SLC25A12: variants seen among roughly 807,000 people sequenced by gnomAD.
SLC25A12 encodes the protein electrogenic aspartate/glutamate antiporter SLC25A12, mitochondrial.
SLC25A12 carries 32 observed loss-of-function variants against 83.3 expected under a neutral mutation model. The ratio of observed to expected loss-of-function variants is 0.38; its 90% confidence interval spans 0.29 to 0.52. The LOEUF is 0.52. Ranked by LOEUF, SLC25A12 falls within the 20% of genes least tolerant of loss-of-function variation. The probability of loss-of-function intolerance (pLI) is 0.84; values close to 1 mark genes in which losing one functional copy is unlikely to be tolerated. For missense variants in SLC25A12, 611 were observed against 835.6 expected, an observed-to-expected ratio of 0.73 and a Z score of 3.31; for synonymous variants, 267 against 291.1, an observed-to-expected ratio of 0.92 and a Z score of 0.84.
intron 2 of SLC25A12, among the ~76,000 whole-genome samples, chr2:171,876,000 G>A (rs139290482): frequency 1.3e-3 from 192 of 150,962 alleles, no homozygotes; most frequent in Non-Finnish European, 2.5e-3. Flanking sequence ...ATATGGAATC[G>A]CCAAGATGTC....
At position 171,814,555 on chromosome 2, in the gene SLC25A12, G is replaced by A. The variant is rs1425989672; in HGVS notation, c.1012+566C>T. On this transcript the variant is annotated intron_variant, in intron 10 of 17. Transcript: ENST00000422440. ...GAAGGTTTGTCACATAGGTAAACAC[G>A]TGTCACGGGCGTTTGTTGTACATAT... 3.3e-5 allele frequency among the ~76,000 whole-genome samples: 5 copies of A among 151,640 alleles called. No homozygotes were observed. The South Asian group carries it at 6.2e-4, about 19-fold the overall frequency.
intron 2 of SLC25A12, 66 bp downstream of exon 2, chr2:171,893,139 A>G: frequency 1.6e-6 from 2 of 1,277,740 alleles, no homozygotes; most frequent in Non-Finnish European, 2.3e-6. Context: ...TAAGGCATGA[A>G]TAGGACTAAG....
intron 3 of SLC25A12, among the ~76,000 whole-genome samples, chr2:171,860,515 T>C (rs1044516937): frequency 3.9e-5 from 6 of 152,094 alleles, no homozygotes; most frequent in Admixed American, 6.6e-5. Flanking sequence ...AGTATGAGAA[T>C]TGCTTGAACC....
At chr2:171,820,354 G>A (rs1448781982) in intron 9 of SLC25A12, among the ~76,000 whole-genome samples, 1 of 152,034 alleles carries the variant, frequency 6.6e-6, no homozygotes, top group Non-Finnish European at 1.5e-5. Context: ...CTTTTTTAAA[G>A]AAAGTACATA....
chr2:171,800,373 T>C (rs1683686940), intron 13 of SLC25A12, among the ~76,000 whole-genome samples: 1 of 151,250 alleles, frequency 6.6e-6, no homozygotes, highest in African/African-American at 2.4e-5. Flanking sequence ...AATAAACACA[T>C]GAAAAGATAA....
intron 4 of SLC25A12, among the ~76,000 whole-genome samples, chr2:171,852,894 C>T (rs1449253326): frequency 3.9e-5 from 6 of 152,118 alleles, no homozygotes; most frequent in Non-Finnish European, 7.4e-5. Flanking sequence ...CAAAGTGGAT[C>T]CTTAAAACTA....
chr2:171,816,269 T>C (rs1329477149), intron 9 of SLC25A12, among the ~76,000 whole-genome samples: 3 of 152,062 alleles, frequency 2.0e-5, no homozygotes, highest in Non-Finnish European at 4.4e-5. Context: ...TCTGTTTATG[T>C]TGCCCAGGCT....
chr2:171,865,996 G>A (rs962654818), intron 3 of SLC25A12, among the ~76,000 whole-genome samples: 11 of 142,164 alleles, frequency 7.7e-5, no homozygotes, highest in Admixed American at 2.2e-4. Flanking sequence ...GCGGCCTTCC[G>A]CAGTGTTTGT....
chr2:171,874,373 C>A (rs1478572579), intron 2 of SLC25A12, among the ~76,000 whole-genome samples: 2 of 152,084 alleles, frequency 1.3e-5, no homozygotes, highest in Non-Finnish European at 2.9e-5. Context: ...GCCTGGGTGA[C>A]AAGAGCAGAA....
chr2:171,809,502 AT>A, intron 13 of SLC25A12, 103 bp downstream of exon 13: 1 of 882,824 alleles, frequency 1.1e-6, no homozygotes, highest in South Asian at 1.4e-5. Flanking sequence ...CCTGCTTAGA[AT>A]CCCTTGAGTT....
intron 7 of SLC25A12, chr2:171,834,427 G>A (rs530736170): frequency 2.1e-6 from 1 of 466,700 alleles, no homozygotes; most frequent in South Asian, 2.3e-5. Context: ...GAGTAGGCTT[G>A]CTCATCTTTC....
Position 171,894,238 on chromosome 2 carries a change from A to C in SLC25A12, c.-24T>G, listed in dbSNP as rs527382804. The C allele has an allele frequency of 1.7e-5, 28 of 1,605,764 alleles. No homozygotes were observed. Among genetic ancestry groups the C allele is most frequent in the Non-Finnish European group, 2.0e-5 (24 of 1,176,716 alleles). The stretch of plus-strand genomic sequence containing the variant: ...ATGCTGTGCTCGGAAGCCGGGGACG[A>C]GCGAGTGAGCGAGCAGGGCCGAGCT... On this transcript the variant is annotated 5_prime_UTR_variant, in exon 1 of 18. Coordinates refer to ENST00000422440, the MANE Select transcript of SLC25A12 (RefSeq NM_003705.5).
intron 3 of SLC25A12, among the ~76,000 whole-genome samples, chr2:171,866,588 C>G: frequency 1.1e-5 from 1 of 88,902 alleles, no homozygotes; most frequent in Non-Finnish European, 2.4e-5. Flanking sequence ...GGGCGGGGGG[C>G]TGACCCCCCC....
At chr2:171,866,877 G>T (rs1404247896) in intron 3 of SLC25A12, among the ~76,000 whole-genome samples, 2 of 151,106 alleles carry the variant, frequency 1.3e-5, no homozygotes, top group African/African-American at 4.9e-5. Flanking sequence ...CTTCCCAGAC[G>T]GGGCGGCTGC....
intron 7 of SLC25A12, 62 bp from the exon 8 acceptor site, chr2:171,834,118 C>T (rs940743274): frequency 2.2e-6 from 2 of 902,390 alleles, no homozygotes; most frequent in Non-Finnish European, 3.7e-6. Flanking sequence ...CAAAGTTCTA[C>T]CTTCACCAAC....
intron 8 of SLC25A12, among the ~76,000 whole-genome samples, chr2:171,829,924 A>G (rs1452814142): frequency 6.6e-6 from 1 of 152,242 alleles, no homozygotes; most frequent in African/African-American, 2.4e-5. Flanking sequence ...ATGGGAATGA[A>G]CAACTGGGCC....
At chr2:171,788,187 T>C in intron 15 of SLC25A12, 7 of 472,196 alleles carry the variant, frequency 1.5e-5, no homozygotes, top group Non-Finnish European at 2.6e-5. Context: ...CTACATTGCA[T>C]GATCCCAAAT....
At chr2:171,851,199 GT>G (rs1208120509) in intron 4 of SLC25A12, among the ~76,000 whole-genome samples, 28 of 144,468 alleles carry the variant, frequency 1.9e-4, no homozygotes, top group South Asian at 6.6e-4. Flanking sequence ...TTTCTTGTTT[GT>G]TTTTTTTTTT....
intron 2 of SLC25A12, among the ~76,000 whole-genome samples, chr2:171,872,898 A>G (rs1685486552): frequency 6.6e-6 from 1 of 151,510 alleles, no homozygotes; most frequent in South Asian, 2.2e-4. Context: ...GCTTAGTTGG[A>G]GAGAGAAATG....
Sources: allele counts gnomAD v4.1 joint callset (sites outside exome capture counted in the v4.1 genomes callset), GRCh38; gene constraint gnomAD v4.1.1; transcripts MANE v1.5; gene names NCBI Gene and HGNC (gene_info 2026-07-23, HGNC 2026-07-21).